NLRP14: variants seen among roughly 807,000 people sequenced by gnomAD.
NLRP14 encodes NLR family pyrin domain containing 14, also known as NACHT, LRR and PYD domains-containing protein 14.
A neutral mutation model predicts 94.7 loss-of-function variants in NLRP14; 105 were observed. That is an observed-to-expected ratio of 1.11 (90% confidence interval 0.95 to 1.30). The LOEUF (loss-of-function observed/expected upper bound fraction) is 1.30. NLRP14 is among the 50% of genes most tolerant of loss of function. The pLI is 0.00. For missense variants in NLRP14, 1,362 were observed against 1,254.1 expected (o/e 1.09, Z -1.30); for synonymous variants, 508 against 459.9 (o/e 1.10, Z -1.34).
At chr11:7,077,365 C>T in the NLRP14 span, among the ~76,000 whole-genome samples, 1 of 152,248 alleles carries the variant, frequency 6.6e-6, no homozygotes, top group African/African-American at 2.4e-5. Flanking sequence ...GAGTTCTTTG[C>T]CCGCAGGGGG....
At chr11:7,077,509 CTT>C in the NLRP14 span, among the ~76,000 whole-genome samples, 3 of 152,238 alleles carry the variant, frequency 2.0e-5, no homozygotes, top group South Asian at 4.1e-4. Flanking sequence ...GTCAGCCACT[CTT>C]TTGGTTCATG....
At chr11:7,024,591 G>A (rs1390295019) in intron 1 of NLRP14, among the ~76,000 whole-genome samples, 1 of 152,076 alleles carries the variant, frequency 6.6e-6, no homozygotes, top group Non-Finnish European at 1.5e-5. Context: ...ATCTGTGTGG[G>A]TATTGTGGAC....
intron 1 of NLRP14, among the ~76,000 whole-genome samples, chr11:7,021,700 A>AC (rs2119534163): frequency 6.6e-6 from 1 of 151,972 alleles, no homozygotes; most frequent in Admixed American, 6.5e-5. Context: ...CAGGTTTGTT[A>AC]CCTATGTATA....
downstream of NLRP14, among the ~76,000 whole-genome samples, chr11:7,074,631 AT>A (rs1461484652): frequency 6.6e-6 from 1 of 152,212 alleles, no homozygotes; most frequent in African/African-American, 2.4e-5. Flanking sequence ...TTTCTAATTC[AT>A]TTTTTAAAGA....
intron 6 of NLRP14, among the ~76,000 whole-genome samples, chr11:7,051,116 G>A (rs966548523): frequency 6.6e-6 from 1 of 152,158 alleles, no homozygotes; most frequent in Admixed American, 6.6e-5. Flanking sequence ...CAAGTTGCCA[G>A]GATTTCAAAT....
intron 1 of NLRP14, among the ~76,000 whole-genome samples, chr11:7,021,425 A>G (rs1851933746): frequency 1.3e-5 from 2 of 152,144 alleles, no homozygotes; most frequent in African/African-American, 4.8e-5. Flanking sequence ...ATGACTCTGG[A>G]GACCACATTT....
At chr11:7,022,064 A>T (rs1279397462) in intron 1 of NLRP14, among the ~76,000 whole-genome samples, 1 of 152,192 alleles carries the variant, frequency 6.6e-6, no homozygotes. Context: ...AGCACCAAGT[A>T]TAGCATACGC....
chr11:7,049,163 G>A lies in NLRP14; in HGVS notation c.2124-508G>A, dbSNP rs562920480. On this transcript the variant is annotated intron_variant, in intron 5 of 11. Coordinates refer to ENST00000299481, the MANE Select transcript of NLRP14 (RefSeq NM_176822.4). ...CATTGACTGAGTTAGGAGGTAGAAA[G>A]TAGGAAAAAAATTGGCAGATTTAAC... 2.9e-4 allele frequency among the ~76,000 whole-genome samples: 44 copies of A among 152,222 alleles called. No homozygotes were observed. The South Asian group carries it at 8.9e-3, about 31-fold the overall frequency.
chr11:7,083,517 C>T, the NLRP14 span, among the ~76,000 whole-genome samples: 1 of 152,240 alleles, frequency 6.6e-6, no homozygotes, highest in African/African-American at 2.4e-5. Flanking sequence ...CCATCAAGAC[C>T]CTCTCATAGC....
chr11:7,090,672 G>A, the NLRP14 span: 2 of 325,256 alleles, frequency 6.1e-6, no homozygotes, highest in East Asian at 8.6e-5. Flanking sequence ...ATGGAAAAAC[G>A]GATCATTCTG....
Position 7,042,941 on chromosome 11 carries a change from G to C in NLRP14, c.915G>C (p.Val305=), listed in dbSNP as rs1018977763. ...TGCTCCCTGAGGCATCCTTATTGGT[G>C]ACAACAAGACTCACAACTTCTAAGA... ...KVMLPEASLL[V]TTRLTTSKRL... Residue 305 remains valine (V), a synonymous_variant, in exon 4 of 12, where the codon GTG becomes GTC. Transcript: ENST00000299481. 9 of 1,613,994 alleles carry C rather than the reference G, an allele frequency of 5.6e-6. No homozygotes were observed. Among genetic ancestry groups the C allele is most frequent in the Non-Finnish European group, 7.6e-6 (9 of 1,179,878 alleles).
chr11:7,090,433 C>T, the NLRP14 span: 16 of 1,179,434 alleles, frequency 1.4e-5, no homozygotes, highest in East Asian at 7.7e-5. Flanking sequence ...CTGTTAAGAT[C>T]GTCTCCATTT....
the NLRP14 span, chr11:7,090,251 C>T: frequency 6.2e-7 from 1 of 1,608,950 alleles, no homozygotes; most frequent in Non-Finnish European, 8.5e-7. Flanking sequence ...GGGGCGGAGG[C>T]CGTCTAGGAG....
At chr11:7,089,635 G>A in the NLRP14 span, 1 of 1,287,634 alleles carries the variant, frequency 7.8e-7, no homozygotes, top group Non-Finnish European at 9.8e-7. Context: ...CCGGCTCGCA[G>A]CAGCGGCGGT....
intron 10 of NLRP14, among the ~76,000 whole-genome samples, chr11:7,065,149 T>C (rs1852686420): frequency 6.6e-6 from 1 of 152,124 alleles, no homozygotes; most frequent in Admixed American, 6.6e-5. Context: ...ACCTATATGT[T>C]GGCGTATTGA....
chr11:7,079,462 A>T, the NLRP14 span, among the ~76,000 whole-genome samples: 4,163 of 152,348 alleles, frequency 0.027, 159 homozygotes, highest in African/African-American at 0.078. Context: ...TCACGTAGAG[A>T]ACAGTGTATA....
intron 5 of NLRP14, among the ~76,000 whole-genome samples, chr11:7,047,607 A>G (rs185522249): frequency 4.7e-5 from 7 of 150,494 alleles, no homozygotes; most frequent in Non-Finnish European, 1.0e-4. Flanking sequence ...TGTCCAGCCT[A>G]TCCCTTTCTG....
intron 1 of NLRP14, among the ~76,000 whole-genome samples, chr11:7,024,389 C>T (rs1013197496): frequency 2.0e-5 from 3 of 152,266 alleles, no homozygotes; most frequent in African/African-American, 7.2e-5. Context: ...TCATGGTTTG[C>T]ATCTGGTTTC....
intron 4 of NLRP14, among the ~76,000 whole-genome samples, chr11:7,044,408 A>G (rs61879047): frequency 0.097 from 14,733 of 152,162 alleles, 757 homozygotes; most frequent in Admixed American, 0.16. Context: ...AACCTGGTAA[A>G]CACAGGTTAT....
Sources: gnomAD v4.1 joint callset for allele counts (sites outside exome capture counted in the v4.1 genomes callset) on GRCh38, gnomAD v4.1.1 for gene constraint, MANE v1.5 for transcripts, NCBI Gene and HGNC (gene_info 2026-07-23, HGNC 2026-07-21) for gene names.